The following PPP2R2C variants were observed in gnomAD, a reference collection of about 807,000 sequenced individuals.
PPP2R2C encodes protein phosphatase 2 regulatory subunit Bgamma, also known as protein phosphatase 2, regulatory subunit B, gamma.
Under a neutral mutation model 45.3 loss-of-function variants are expected in PPP2R2C, and 10 were observed. That is an observed-to-expected ratio of 0.22 (90% confidence interval 0.14 to 0.37). The LOEUF (loss-of-function observed/expected upper bound fraction) is 0.37, where lower values mean the gene tolerates loss of function less well. Ranked by LOEUF, PPP2R2C falls within the 10% of genes least tolerant of loss-of-function variation. The pLI is 1.00. For synonymous variants in PPP2R2C, 257 were observed against 245.4 expected, an observed-to-expected ratio of 1.05 and a Z score of -0.44; for missense variants, 308 against 619.7, an observed-to-expected ratio of 0.50 and a Z score of 5.34.
chr4:6,348,330 T>C (rs1712200664), intron 5 of PPP2R2C, among the ~76,000 whole-genome samples: 1 of 151,672 alleles, frequency 6.6e-6, no homozygotes, highest in African/African-American at 2.4e-5. Context: ...AGCACTGACC[T>C]GTGGAGCCCC....
intron 1 of PPP2R2C, among the ~76,000 whole-genome samples, chr4:6,460,302 GAC>G (rs1044228240): frequency 1.2e-4 from 18 of 152,140 alleles, no homozygotes; most frequent in African/African-American, 4.3e-4. Context: ...TCCCTCTAAG[GAC>G]ACAGACACAC....
At chr4:6,504,068 T>A (rs955364634) in intron 2 of PPP2R2C, among the ~76,000 whole-genome samples, 1 of 152,216 alleles carries the variant, frequency 6.6e-6, no homozygotes, top group Non-Finnish European at 1.5e-5. Flanking sequence ...GAGCTACAAC[T>A]GTGATAGAAA....
At chr4:6,526,922 GCCACCCACCCAT>G (rs149948204) in intron 2 of PPP2R2C, among the ~76,000 whole-genome samples, 14,935 of 152,100 alleles carry the variant, frequency 0.098, 836 homozygotes, top group Middle Eastern at 0.18. Context: ...TTACAGCCCT[GCCACCCACCCAT>G]CCACCCTCGC....
At chr4:6,402,958 A>G (rs1263927672) in intron 1 of PPP2R2C, among the ~76,000 whole-genome samples, 1 of 152,308 alleles carries the variant, frequency 6.6e-6, no homozygotes, top group African/African-American at 2.4e-5. Context: ...AGAAAGACCA[A>G]TGCAGCAGAG....
At chr4:6,442,007 G>C (rs1720181611) in intron 1 of PPP2R2C, among the ~76,000 whole-genome samples, 1 of 152,236 alleles carries the variant, frequency 6.6e-6, no homozygotes, top group African/African-American at 2.4e-5. Flanking sequence ...GTCAAGCCTA[G>C]GACACAGCCC....
chr4:6,399,746 C>T (rs980003645), intron 1 of PPP2R2C, among the ~76,000 whole-genome samples: 1 of 152,166 alleles, frequency 6.6e-6, no homozygotes, highest in East Asian at 1.9e-4. Flanking sequence ...GAGTGAGGAC[C>T]GTTTAGATGT....
intron 1 of PPP2R2C, among the ~76,000 whole-genome samples, chr4:6,549,982 G>T (rs765918132): frequency 3.9e-5 from 6 of 152,172 alleles, no homozygotes; most frequent in Non-Finnish European, 7.4e-5. Flanking sequence ...TGCCAATAAA[G>T]GTCTGGCAGC....
At chr4:6,432,763 A>T (rs1719693253) in intron 1 of PPP2R2C, among the ~76,000 whole-genome samples, 1 of 152,228 alleles carries the variant, frequency 6.6e-6, no homozygotes, top group Non-Finnish European at 1.5e-5. Context: ...ATAAGTTAGG[A>T]AAAAATCTTT....
intron 1 of PPP2R2C, among the ~76,000 whole-genome samples, chr4:6,441,692 G>A (rs59282693): frequency 0.014 from 2,158 of 152,302 alleles, 60 homozygotes; most frequent in African/African-American, 0.048. Context: ...CCCCAGTGAG[G>A]GGCAAAGGAG....
chr4:6,390,331 C>G (rs1293809404), intron 1 of PPP2R2C, among the ~76,000 whole-genome samples: 6 of 152,170 alleles, frequency 3.9e-5, no homozygotes. Flanking sequence ...CTGCAGGAGA[C>G]AGCTCTACAG....
At chr4:6,359,109 T>C (rs1713498125) in intron 5 of PPP2R2C, among the ~76,000 whole-genome samples, 1 of 152,220 alleles carries the variant, frequency 6.6e-6, no homozygotes, top group Non-Finnish European at 1.5e-5. Flanking sequence ...TGTCCATCAA[T>C]GATAGACTGG....
upstream of PPP2R2C, among the ~76,000 whole-genome samples, chr4:6,475,900 C>CAAGG (rs1722127634): frequency 6.6e-6 from 1 of 152,184 alleles, no homozygotes; most frequent in African/African-American, 2.4e-5. Context: ...TTGGGTTAGA[C>CAAGG]AAGGCCATGA....
At chr4:6,497,889 C>A (rs1722924820) in intron 2 of PPP2R2C, among the ~76,000 whole-genome samples, 1 of 152,174 alleles carries the variant, frequency 6.6e-6, no homozygotes, top group Non-Finnish European at 1.5e-5. Flanking sequence ...AAAGGCTCTG[C>A]AGGGAAATGG....
chr4:6,363,422 A>G (rs1341653242), intron 5 of PPP2R2C, among the ~76,000 whole-genome samples: 4 of 152,046 alleles, frequency 2.6e-5, no homozygotes, highest in African/African-American at 7.2e-5. Context: ...ACTAAAAAAT[A>G]CAAAAAATTA....
chr4:6,477,613 C>T (rs1488865768), upstream of PPP2R2C, among the ~76,000 whole-genome samples: 1 of 151,470 alleles, frequency 6.6e-6, no homozygotes, highest in African/African-American at 2.4e-5. Flanking sequence ...GTTGTCCCAA[C>T]TACTCAGGAG....
At chr4:6,503,215 C>T (rs1453026317) in intron 2 of PPP2R2C, among the ~76,000 whole-genome samples, 1 of 152,192 alleles carries the variant, frequency 6.6e-6, no homozygotes, top group Non-Finnish European at 1.5e-5. Context: ...GACCTCATGA[C>T]CTCCTCCCTT....
chr4:6,373,928 T>C lies in PPP2R2C; in HGVS notation c.448-1228A>G, dbSNP rs1010782060. Among the ~76,000 whole-genome samples the C allele has an allele frequency of 3.1e-4, 45 of 146,822 alleles. No homozygotes were observed. The East Asian group carries it at 5.5e-3, about 18-fold the overall frequency. On this transcript the variant is annotated intron_variant, in intron 4 of 8. Transcript: ENST00000382599. The stretch of plus-strand genomic sequence containing the variant: ...GTGTGTGTGTGTGTGTGTGTGTGTG[T>C]GCACGCAGCACCGGTGTGAGTGACA...
intron 5 of PPP2R2C, among the ~76,000 whole-genome samples, chr4:6,356,408 A>C (rs1041695347): frequency 6.6e-6 from 1 of 152,180 alleles, no homozygotes; most frequent in Non-Finnish European, 1.5e-5. Context: ...CAAGGAGAGA[A>C]GGGTCAGACC....
intron 5 of PPP2R2C, among the ~76,000 whole-genome samples, chr4:6,369,472 AC>A (rs1298408821): frequency 6.6e-6 from 1 of 152,262 alleles, no homozygotes; most frequent in East Asian, 1.9e-4. Context: ...AAATAAAGCA[AC>A]TTGACTTAAA....
Sources: allele counts gnomAD v4.1 joint callset (sites outside exome capture counted in the v4.1 genomes callset), GRCh38; gene constraint gnomAD v4.1.1; transcripts MANE v1.5; gene names NCBI Gene and HGNC (gene_info 2026-07-23, HGNC 2026-07-21).